Variants in LOC128706665 observed in about 807,000 individuals in gnomAD.
the LOC128706665 span, among the ~76,000 whole-genome samples, chr20:10,433,900 G>A: frequency 1.6e-4 from 24 of 152,324 alleles, no homozygotes; most frequent in South Asian, 1.9e-3. Flanking sequence ...CGTGCCGACC[G>A]CAACATTTAC....
chr20:10,416,845 A>C, the LOC128706665 span, among the ~76,000 whole-genome samples: 1 of 152,210 alleles, frequency 6.6e-6, no homozygotes, highest in African/African-American at 2.4e-5. Context: ...ATGAAGTTTT[A>C]TTGGAAAGCA....
the LOC128706665 span, among the ~76,000 whole-genome samples, chr20:10,422,836 C>T: frequency 1.1e-4 from 17 of 151,792 alleles, no homozygotes; most frequent in Admixed American, 4.6e-4. Context: ...CTCAGCCTCC[C>T]GAGTAGCTGG....
chr20:10,425,114 T>C, the LOC128706665 span, among the ~76,000 whole-genome samples: 1 of 151,184 alleles, frequency 6.6e-6, no homozygotes, highest in Non-Finnish European at 1.5e-5. Flanking sequence ...AAATATAGTA[T>C]AGTATAACCT....
the LOC128706665 span, among the ~76,000 whole-genome samples, chr20:10,420,942 G>C: frequency 7.3e-3 from 1,109 of 152,286 alleles, 24 homozygotes; most frequent in African/African-American, 0.025. Flanking sequence ...CCCAAAGGGA[G>C]CAGGCAGTCA....
chr20:10,429,042 T>C, the LOC128706665 span, among the ~76,000 whole-genome samples: 3 of 152,062 alleles, frequency 2.0e-5, no homozygotes, highest in South Asian at 2.1e-4. Flanking sequence ...CTGAAAAGAG[T>C]CAAAAACAAA....
the LOC128706665 span, among the ~76,000 whole-genome samples, chr20:10,423,413 T>C: frequency 4.6e-5 from 7 of 152,040 alleles, no homozygotes; most frequent in Non-Finnish European, 1.0e-4. Flanking sequence ...TGAAATGCGA[T>C]CGTTTCAAAA....
At chr20:10,419,379 ATATAG>A in the LOC128706665 span, among the ~76,000 whole-genome samples, 1 of 152,160 alleles carries the variant, frequency 6.6e-6, no homozygotes, top group African/African-American at 2.4e-5. Context: ...TATAATCATA[ATATAG>A]TATAACGCTA....
At chr20:10,423,599 CAT>C in the LOC128706665 span, among the ~76,000 whole-genome samples, 1 of 152,136 alleles carries the variant, frequency 6.6e-6, no homozygotes, top group South Asian at 2.1e-4. Context: ...CATGTAATGA[CAT>C]AGTATGAACC....
the LOC128706665 span, among the ~76,000 whole-genome samples, chr20:10,426,425 T>G: frequency 6.6e-6 from 1 of 152,206 alleles, no homozygotes; most frequent in African/African-American, 2.4e-5. Context: ...TTTCTTTTTT[T>G]GGGACAGTCT....
At chr20:10,419,126 T>C in the LOC128706665 span, among the ~76,000 whole-genome samples, 1 of 152,146 alleles carries the variant, frequency 6.6e-6, no homozygotes, top group Non-Finnish European at 1.5e-5. Context: ...GGCTTATAAA[T>C]AAGGAAAATC....
the LOC128706665 span, among the ~76,000 whole-genome samples, chr20:10,417,174 C>A: frequency 6.6e-6 from 1 of 150,628 alleles, no homozygotes; most frequent in Non-Finnish European, 1.5e-5. Flanking sequence ...TCACTTCAAC[C>A]CAGAAGGCAG....
At chr20:10,429,966 C>A in the LOC128706665 span, among the ~76,000 whole-genome samples, 1 of 152,174 alleles carries the variant, frequency 6.6e-6, no homozygotes, top group African/African-American at 2.4e-5. Flanking sequence ...AAGTTTGAGA[C>A]CCACTGTTCT....
At chr20:10,426,623 C>T in the LOC128706665 span, among the ~76,000 whole-genome samples, 1 of 152,184 alleles carries the variant, frequency 6.6e-6, no homozygotes, top group Non-Finnish European at 1.5e-5. Context: ...GGTCTCAACT[C>T]CTGGCCTCAA....
the LOC128706665 span, among the ~76,000 whole-genome samples, chr20:10,420,269 C>T: frequency 6.6e-6 from 1 of 152,134 alleles, no homozygotes; most frequent in Non-Finnish European, 1.5e-5. Flanking sequence ...CCTTTGCACA[C>T]ATTCATGATC....
At chr20:10,427,264 T>G in the LOC128706665 span, among the ~76,000 whole-genome samples, 2 of 152,200 alleles carry the variant, frequency 1.3e-5, no homozygotes, top group African/African-American at 4.8e-5. Flanking sequence ...AATGTTCTCA[T>G]TTTGCCTATT....
At chr20:10,418,130 T>C in the LOC128706665 span, among the ~76,000 whole-genome samples, 1 of 152,246 alleles carries the variant, frequency 6.6e-6, no homozygotes, top group Non-Finnish European at 1.5e-5. Flanking sequence ...TGTTTGTGTA[T>C]GTGTGTTTAT....
chr20:10,433,869 G>T, the LOC128706665 span, among the ~76,000 whole-genome samples: 1 of 152,172 alleles, frequency 6.6e-6, no homozygotes, highest in Non-Finnish European at 1.5e-5. Flanking sequence ...CCGGCGGGAA[G>T]ACCTCCTCGC....
chr20:10,428,308 T>G, the LOC128706665 span, among the ~76,000 whole-genome samples: 1 of 152,296 alleles, frequency 6.6e-6, no homozygotes, highest in South Asian at 2.1e-4. Context: ...ATAGCCAGAT[T>G]GTTCCAGATC....
the LOC128706665 span, among the ~76,000 whole-genome samples, chr20:10,414,977 A>T: frequency 6.6e-6 from 1 of 152,232 alleles, no homozygotes; most frequent in Non-Finnish European, 1.5e-5. Flanking sequence ...GGATAACAAC[A>T]ACAATAAAAA....
Sources: allele counts gnomAD v4.1 joint callset (sites outside exome capture counted in the v4.1 genomes callset), GRCh38; gene constraint gnomAD v4.1.1; transcripts MANE v1.5.